The following DCHS2 variants were observed in gnomAD, a reference collection of about 807,000 sequenced individuals.
The protein encoded by DCHS2 is dachsous cadherin-related 2.
DCHS2 carries 142 observed loss-of-function variants against 182.4 expected under a neutral mutation model. The observed-to-expected ratio is 0.78, with a 90% CI of 0.68 to 0.89. The LOEUF is 0.89. Ranked by LOEUF, DCHS2 falls within the 40% of genes least tolerant of loss-of-function variation. The probability of loss-of-function intolerance (pLI) is 0.00; values close to 1 mark genes in which losing one functional copy is unlikely to be tolerated. For synonymous variants in DCHS2, 1,740 were observed against 1,663.3 expected, an observed-to-expected ratio of 1.05 and a Z score of -1.12; for missense variants, 4,319 against 4,198.6, an observed-to-expected ratio of 1.03 and a Z score of -0.79.
In DCHS2 at chr4:154,231,995, G is replaced by A. The variant is rs775774764; in HGVS notation, c.*2541C>T. 1.1e-4 allele frequency: 16 copies of A among 151,900 alleles called. No homozygotes were observed. Among genetic ancestry groups the A allele is most frequent in the Non-Finnish European group, 2.2e-4 (15 of 67,994 alleles). The allele number at this position is 151,900 out of a possible 1,614,324, so 9.4% of individuals were successfully genotyped here. A position where few individuals can be genotyped will look rare whatever the true frequency, so the allele number is the denominator to read the frequency against. On this transcript the variant is annotated 3_prime_UTR_variant, in exon 20 of 20. Transcript: ENST00000357232. ...ACTGATTTACACCAGTATTTTTAAG[G>A]CTGCCAACAAGAAAGTCCAGAATTT...
chr4:154,401,629 C>T (rs906389461), intron 1 of DCHS2, among the ~76,000 whole-genome samples: 6 of 152,078 alleles, frequency 3.9e-5, no homozygotes, highest in African/African-American at 1.4e-4. Flanking sequence ...TCTTCTTTTT[C>T]TTTTATGGTC....
chr4:154,269,279 T>A (rs764914628), intron 14 of DCHS2: 5 of 152,334 alleles, frequency 3.3e-5, no homozygotes, highest in Non-Finnish European at 7.3e-5. Context: ...AACAGAGACA[T>A]TATTAGAAAC....
chr4:154,310,793 T>G (rs1735645258), intron 10 of DCHS2, among the ~76,000 whole-genome samples: 1 of 152,214 alleles, frequency 6.6e-6, no homozygotes, highest in Admixed American at 6.5e-5. Flanking sequence ...GATATTATGA[T>G]GACATCATGA....
chr4:154,357,081 C>T (rs144531108), intron 3 of DCHS2: 186 of 601,922 alleles, frequency 3.1e-4, no homozygotes, highest in Middle Eastern at 5.4e-4. Flanking sequence ...TCTTGACAAG[C>T]GCTAGTAAAA....
intron 1 of DCHS2, among the ~76,000 whole-genome samples, chr4:154,400,302 C>CGAAAAAAAAAA (rs1732115034): frequency 1.1e-5 from 1 of 91,460 alleles, no homozygotes; most frequent in African/African-American, 4.0e-5. Flanking sequence ...GACTTCGTCT[C>CGAAAAAAAAAA]AAAAAAAAAA....
chr4:154,236,190 T>C lies in DCHS2; in HGVS notation c.8462A>G (p.Asp2821Gly), dbSNP rs1447892943. ...PCFLTHGMSY[D>G]HDLFLIDPLT... The stretch of plus-strand genomic sequence containing the variant: ...AGGGTCAATGAGGAAGAGATCATGA[T>C]CATAAGACATTCCATGAGTGAGAAA... Residue 2821 changes from aspartate to glycine, a missense_variant, in exon 20 of 20, where the codon GAT becomes GGT. Coordinates refer to ENST00000357232, the MANE Select transcript of DCHS2 (RefSeq NM_001358235.2). 1 of 1,613,896 alleles carries C rather than the reference T, an allele frequency of 6.2e-7. No homozygotes were observed.
chr4:154,378,998 A>C (rs1055328652), intron 1 of DCHS2, among the ~76,000 whole-genome samples: 1 of 152,194 alleles, frequency 6.6e-6, no homozygotes, highest in Non-Finnish European at 1.5e-5. Flanking sequence ...TGTGCTCTTA[A>C]GTCTTAGCTG....
chr4:154,292,786 A>G (rs1015920070), intron 13 of DCHS2, among the ~76,000 whole-genome samples: 5 of 151,858 alleles, frequency 3.3e-5, no homozygotes, highest in African/African-American at 9.7e-5. Context: ...TTGTAGCCCC[A>G]CTCCCAGCAG....
Position 154,490,485 on chromosome 4 carries a change from C to A in DCHS2, c.871G>T (p.Asp291Tyr), listed in dbSNP as rs1728777998. ...SVELRVLDEN[D>Y]NPPVFEQDEY... Reference sequence around the variant, plus strand: ...TCCTGCTCAAAGACCGGCGGGTTGTCGTTCTCATCCAGCACGCGCAGCTCC... The same window carrying A: ...TCCTGCTCAAAGACCGGCGGGTTGTAGTTCTCATCCAGCACGCGCAGCTCC... Residue 291 changes from aspartate (D) to tyrosine (Y), a missense_variant, in exon 1 of 20, where the codon GAC (aspartate) becomes TAC (tyrosine). Transcript: ENST00000357232. 2.0e-6 allele frequency: 3 copies of A among 1,536,694 alleles called. No individual in the cohort carries two copies. The highest frequency in any genetic ancestry group is 2.6e-6 in the Non-Finnish European group (3 of 1,146,448).
chr4:154,353,964 T>C (rs1173062535), intron 3 of DCHS2, among the ~76,000 whole-genome samples: 3 of 152,194 alleles, frequency 2.0e-5, no homozygotes, highest in Non-Finnish European at 2.9e-5. Flanking sequence ...TCTCACTCTG[T>C]CACCCCGGCT....
intron 1 of DCHS2, among the ~76,000 whole-genome samples, chr4:154,439,224 A>G (rs1227116416): frequency 2.0e-5 from 3 of 152,210 alleles, no homozygotes; most frequent in Admixed American, 6.5e-5. Flanking sequence ...ATTTATATAC[A>G]TATTTATGCC....
At chr4:154,254,557 C>T (rs575029991) in intron 16 of DCHS2, among the ~76,000 whole-genome samples, 1 of 152,318 alleles carries the variant, frequency 6.6e-6, no homozygotes, top group South Asian at 2.1e-4. Flanking sequence ...GTTTTGCTGG[C>T]TGGGCGCAGT....
chr4:154,338,782 G>C (rs1055682977), intron 3 of DCHS2, among the ~76,000 whole-genome samples: 3 of 152,078 alleles, frequency 2.0e-5, no homozygotes, highest in African/African-American at 7.2e-5. Context: ...TTTTCATCTA[G>C]AAAGACTTTA....
intron 3 of DCHS2, among the ~76,000 whole-genome samples, chr4:154,350,780 T>C (rs1156845162): frequency 6.6e-6 from 1 of 152,186 alleles, no homozygotes; most frequent in African/African-American, 2.4e-5. Flanking sequence ...GGAAAGTAAA[T>C]TTACCAATAT....
chr4:154,408,932 G>A (rs984862937), intron 1 of DCHS2, among the ~76,000 whole-genome samples: 15 of 152,196 alleles, frequency 9.9e-5, no homozygotes, highest in Non-Finnish European at 1.6e-4. Flanking sequence ...AGTGAGCTGC[G>A]TGGAGTTCCC....
intron 1 of DCHS2, among the ~76,000 whole-genome samples, chr4:154,475,582 T>C (rs995201929): frequency 7.9e-5 from 12 of 152,190 alleles, no homozygotes; most frequent in Admixed American, 6.5e-4. Flanking sequence ...AAGTAAGTCC[T>C]AGTTAGTCAA....
At chr4:154,300,392 T>A (rs1415173456) in intron 12 of DCHS2, among the ~76,000 whole-genome samples, 1 of 151,886 alleles carries the variant, frequency 6.6e-6, no homozygotes, top group Admixed American at 6.6e-5. Context: ...TGTCAAAGTT[T>A]GTTTAGAAAA....
chr4:154,255,083 C>T (rs758962557), intron 16 of DCHS2, among the ~76,000 whole-genome samples: 6 of 152,154 alleles, frequency 3.9e-5, no homozygotes, highest in Non-Finnish European at 8.8e-5. Flanking sequence ...GCAACAGGAC[C>T]TTCAAGACAG....
At chr4:154,329,962 A>G (rs1186417844) in intron 5 of DCHS2, among the ~76,000 whole-genome samples, 7 of 152,234 alleles carry the variant, frequency 4.6e-5, no homozygotes, top group Non-Finnish European at 8.8e-5. Context: ...CTAATAAACA[A>G]TGAATTCATA....
Sources: gnomAD v4.1 joint callset for allele counts (sites outside exome capture counted in the v4.1 genomes callset) on GRCh38, gnomAD v4.1.1 for gene constraint, MANE v1.5 for transcripts, NCBI Gene and HGNC (gene_info 2026-07-23, HGNC 2026-07-21) for gene names.